Variants in SEMA6D observed in about 807,000 individuals in gnomAD.
SEMA6D encodes the protein semaphorin 6D, also known as semaphorin-6D.
In SEMA6D, 35 loss-of-function variants were observed where a neutral mutation model predicts 106.6. The observed-to-expected ratio is 0.33, with a 90% confidence interval of 0.25 to 0.44. The LOEUF (loss-of-function observed/expected upper bound fraction) is 0.44. Among genes scored for constraint, SEMA6D ranks in the 20% least tolerant of loss-of-function variants. The probability of loss-of-function intolerance (pLI) is 1.00; values close to 1 mark genes in which losing one functional copy is unlikely to be tolerated. For synonymous variants in SEMA6D, 499 were observed against 487.7 expected (o/e 1.02, Z -0.31); for missense variants, 1,185 against 1,345.9 (o/e 0.88, Z 1.87).
chr15:47,390,907 G>A (rs1273534528), intron 1 of SEMA6D, among the ~76,000 whole-genome samples: 1 of 152,116 alleles, frequency 6.6e-6, no homozygotes, highest in African/African-American at 2.4e-5. Context: ...CCGAGAAGCA[G>A]GAGGATGCAA....
chr15:47,456,432 C>A (rs552180696), intron 2 of SEMA6D, among the ~76,000 whole-genome samples: 23 of 152,062 alleles, frequency 1.5e-4, no homozygotes, highest in African/African-American at 5.5e-4. Flanking sequence ...ATTTTAATAT[C>A]ACACACAGTC....
chr15:47,508,293 G>T (rs751105259), intron 3 of SEMA6D, among the ~76,000 whole-genome samples: 2 of 152,184 alleles, frequency 1.3e-5, no homozygotes, highest in South Asian at 4.1e-4. Context: ...CCCAAAAAAC[G>T]ATATAAAAGC....
intron 13 of SEMA6D, 69 bp downstream of exon 13, chr15:47,765,125 A>T (rs2082269491): frequency 6.4e-7 from 1 of 1,569,784 alleles, no homozygotes; most frequent in Non-Finnish European, 8.6e-7. Context: ...TCATCTAGTC[A>T]TGTCCTTTTG....
intron 2 of SEMA6D, among the ~76,000 whole-genome samples, chr15:47,440,423 A>T (rs1432724462): frequency 6.6e-6 from 1 of 152,080 alleles, no homozygotes; most frequent in African/African-American, 2.4e-5. Context: ...AAAAAGCTAT[A>T]GTCAGTAAGA....
intron 4 of SEMA6D, among the ~76,000 whole-genome samples, chr15:47,614,897 TG>T (rs2076978567): frequency 6.6e-6 from 1 of 152,230 alleles, no homozygotes; most frequent in African/African-American, 2.4e-5. Context: ...AGGTTTAATC[TG>T]GTGATTAAAT....
chr15:47,499,706 A>G (rs1002598390), intron 3 of SEMA6D, among the ~76,000 whole-genome samples: 4 of 152,116 alleles, frequency 2.6e-5, no homozygotes, highest in South Asian at 2.1e-4. Context: ...TTAGATGGAA[A>G]CAAAAGGTTC....
chr15:47,383,225 C>T (rs1008300387), intron 1 of SEMA6D, among the ~76,000 whole-genome samples: 4 of 152,112 alleles, frequency 2.6e-5, no homozygotes, highest in Non-Finnish European at 5.9e-5. Flanking sequence ...TCCCTATGGT[C>T]GAGGAGGTAT....
At chr15:47,560,207 G>C (rs2046035866) in intron 3 of SEMA6D, among the ~76,000 whole-genome samples, 1 of 142,924 alleles carries the variant, frequency 7.0e-6, no homozygotes, top group Non-Finnish European at 1.5e-5. Flanking sequence ...CCAGTATTCA[G>C]AGACAAAAAA....
At chr15:47,647,172 C>A (rs1289212278) in intron 4 of SEMA6D, among the ~76,000 whole-genome samples, 1 of 152,138 alleles carries the variant, frequency 6.6e-6, no homozygotes, top group African/African-American at 2.4e-5. Context: ...CCTATGAGAG[C>A]AACATTTTGG....
chr15:47,220,907 C>T (rs540371692), intron 1 of SEMA6D, among the ~76,000 whole-genome samples: 1 of 152,054 alleles, frequency 6.6e-6, no homozygotes, highest in Admixed American at 6.5e-5. Context: ...TTTGATAAAC[C>T]CTCCTTATTA....
chr15:47,522,110 C>A (rs77166109), intron 3 of SEMA6D, among the ~76,000 whole-genome samples: 12,173 of 152,270 alleles, frequency 0.08, 781 homozygotes, highest in East Asian at 0.32. Context: ...AATAGCCCAG[C>A]TCTGTGGGCA....
chr15:47,429,518 C>T (rs1485105991), intron 2 of SEMA6D, among the ~76,000 whole-genome samples: 2 of 152,140 alleles, frequency 1.3e-5, no homozygotes, highest in East Asian at 1.9e-4. Flanking sequence ...TATCTTTGAG[C>T]GTATTGTGTT....
At chr15:47,542,522 A>G (rs1399258616) in intron 3 of SEMA6D, among the ~76,000 whole-genome samples, 7 of 152,168 alleles carry the variant, frequency 4.6e-5, no homozygotes, top group Non-Finnish European at 1.0e-4. Context: ...ACAACTCACA[A>G]GTAATACACT....
intron 1 of SEMA6D, chr15:47,274,991 G>A (rs539867629): frequency 1.4e-4 from 21 of 152,308 alleles, no homozygotes; most frequent in Admixed American, 7.9e-4. Flanking sequence ...TACTGGGGAA[G>A]GTGAGAATGG....
chr15:47,223,605 G>A (rs1035654729), intron 1 of SEMA6D, among the ~76,000 whole-genome samples: 3 of 152,008 alleles, frequency 2.0e-5, no homozygotes, highest in African/African-American at 7.2e-5. Flanking sequence ...TTAGCCTTCA[G>A]CTTTGAAGAA....
At chr15:47,649,986 T>C (rs2077655746) in intron 4 of SEMA6D, among the ~76,000 whole-genome samples, 1 of 152,166 alleles carries the variant, frequency 6.6e-6, no homozygotes, top group Non-Finnish European at 1.5e-5. Flanking sequence ...TAAAACAGAA[T>C]TTGGAAGCTG....
chr15:47,551,671 C>CTTTGTGTGTGTG, intron 3 of SEMA6D, among the ~76,000 whole-genome samples: 1 of 4,242 alleles, frequency 2.4e-4, no homozygotes, highest in South Asian at 0.015. Flanking sequence ...ACATCTGGGA[C>CTTTGTGTGTGTG]TCTGTGTGTG....
intron 3 of SEMA6D, among the ~76,000 whole-genome samples, chr15:47,477,050 C>T (rs957671374): frequency 1.2e-4 from 19 of 152,062 alleles, no homozygotes; most frequent in Non-Finnish European, 2.6e-4. Context: ...TTTTATGTTT[C>T]CCAGCATGTT....
chr15:47,416,956 G>A (rs1416165382), intron 2 of SEMA6D, among the ~76,000 whole-genome samples: 1 of 152,036 alleles, frequency 6.6e-6, no homozygotes, highest in Non-Finnish European at 1.5e-5. Context: ...AAAGTCAAAA[G>A]CAAATTTTCT....
Sources: gnomAD v4.1 joint callset for allele counts (sites outside exome capture counted in the v4.1 genomes callset) on GRCh38, gnomAD v4.1.1 for gene constraint, MANE v1.5 for transcripts, NCBI Gene and HGNC (gene_info 2026-07-23, HGNC 2026-07-21) for gene names.